SIPA1L1: variants seen among roughly 807,000 people sequenced by gnomAD.
SIPA1L1 encodes signal induced proliferation associated 1 like 1, also known as signal-induced proliferation-associated 1-like protein 1.
Under a neutral mutation model 162.7 loss-of-function variants are expected in SIPA1L1, and 26 were observed. The ratio of observed to expected loss-of-function variants is 0.16; its 90% confidence interval spans 0.12 to 0.22. The LOEUF (loss-of-function observed/expected upper bound fraction) is 0.22. Among genes scored for constraint, SIPA1L1 ranks in the 10% least tolerant of loss-of-function variants. SIPA1L1 has a pLI of 1.00. For synonymous variants in SIPA1L1, 829 were observed against 837.4 expected (o/e 0.99, Z 0.17); for missense variants, 1,874 against 2,241.0 (o/e 0.84, Z 3.31).
chr14:71,597,801 CT>C (rs971650090), intron 5 of SIPA1L1, among the ~76,000 whole-genome samples: 1 of 152,198 alleles, frequency 6.6e-6, no homozygotes, highest in Non-Finnish European at 1.5e-5. Flanking sequence ...CTCTGAACCC[CT>C]CTCCTGCAAG....
chr14:71,736,882 G>A (rs1027493508), intron 22 of SIPA1L1, among the ~76,000 whole-genome samples: 1 of 152,242 alleles, frequency 6.6e-6, no homozygotes, highest in Non-Finnish European at 1.5e-5. Context: ...ATGCTCCTGA[G>A]CGTTGCTGCA....
rs2085597560 is a variant in SIPA1L1 at position 71,739,227 on chromosome 14, TTCCCTCCATAGAAAG to T, written c.*67_*81del. The T allele has an allele frequency of 2.0e-6, 3 of 1,468,256 alleles. No individual in the cohort carries two copies. The African/African-American group carries it at 4.2e-5, about 21-fold the overall frequency. The allele number at this position is 1,468,256 out of a possible 1,614,324, so 91.0% of individuals were successfully genotyped here. A position where few individuals can be genotyped will look rare whatever the true frequency, so the allele number is the denominator to read the frequency against. On this transcript the variant is annotated 3_prime_UTR_variant, in exon 24 of 24. Transcript: ENST00000381232. ...TCCAGTGAGTGTCCTGCAGCCCTTA[TTCCCTCCATAGAAAG>T]CATCCTCAGAGCACCTTCCCTGGCT...
intron 2 of SIPA1L1, among the ~76,000 whole-genome samples, chr14:71,350,357 G>A (rs774216206): frequency 3.3e-5 from 5 of 151,990 alleles, no homozygotes; most frequent in African/African-American, 4.8e-5. Context: ...GTAGTGAGCC[G>A]AGATCGCACC....
chr14:71,665,789 A>G (rs1185721660), intron 10 of SIPA1L1, among the ~76,000 whole-genome samples: 1 of 152,164 alleles, frequency 6.6e-6, no homozygotes, highest in Non-Finnish European at 1.5e-5. Flanking sequence ...TATATATACT[A>G]TGTTTGTTCC....
At chr14:71,463,356 GACCCACTGT>G (rs1007729804) in intron 2 of SIPA1L1, among the ~76,000 whole-genome samples, 12 of 152,076 alleles carry the variant, frequency 7.9e-5, no homozygotes, top group African/African-American at 2.9e-4. Context: ...TGAGTCCGGG[GACCCACTGT>G]ACCCACTGTA....
chr14:71,401,645 C>A (rs2041680173), intron 2 of SIPA1L1, among the ~76,000 whole-genome samples: 2 of 151,726 alleles, frequency 1.3e-5, no homozygotes, highest in Admixed American at 1.3e-4. Context: ...TCCCATTTAA[C>A]CCAATATTTT....
chr14:71,704,118 A>G (rs1392267768), intron 15 of SIPA1L1, among the ~76,000 whole-genome samples: 1 of 152,224 alleles, frequency 6.6e-6, no homozygotes, highest in Admixed American at 6.5e-5. Context: ...AAATATTAAA[A>G]TAATTTTTAA....
intron 6 of SIPA1L1, 33 bp downstream of exon 6, chr14:71,618,920 A>AC (rs752404286): frequency 6.2e-7 from 1 of 1,605,256 alleles, no homozygotes; most frequent in Non-Finnish European, 8.5e-7. Flanking sequence ...TTGAGGTTTA[A>AC]CTGAAATGGG....
At chr14:71,424,294 A>G (rs980197034) in intron 2 of SIPA1L1, among the ~76,000 whole-genome samples, 6 of 152,100 alleles carry the variant, frequency 3.9e-5, no homozygotes, top group Non-Finnish European at 7.4e-5. Flanking sequence ...CTCTGGTGGA[A>G]CTTCCTGTAC....
chr14:71,656,815 G>A (rs912445508), intron 8 of SIPA1L1, among the ~76,000 whole-genome samples: 3 of 152,184 alleles, frequency 2.0e-5, no homozygotes, highest in South Asian at 2.1e-4. Context: ...TAACGGCAGC[G>A]GAGTTACTGC....
intron 2 of SIPA1L1, among the ~76,000 whole-genome samples, chr14:71,505,823 G>A (rs896896936): frequency 7.9e-5 from 12 of 151,976 alleles, no homozygotes; most frequent in African/African-American, 2.4e-4. Context: ...ACTTTGTTTT[G>A]TGCACAAAAT....
chr14:71,531,296 ACTT>A (rs2145360158), intron 4 of SIPA1L1, among the ~76,000 whole-genome samples: 1 of 147,358 alleles, frequency 6.8e-6, no homozygotes, highest in Admixed American at 6.7e-5. Flanking sequence ...TACAAAATTT[ACTT>A]CTTTTTTTTT....
At chr14:71,445,160 C>T (rs1241974006) in intron 2 of SIPA1L1, among the ~76,000 whole-genome samples, 2 of 152,090 alleles carry the variant, frequency 1.3e-5, no homozygotes, top group African/African-American at 2.4e-5. Context: ...CTTATCCTGG[C>T]GTAAGAAAAA....
intron 2 of SIPA1L1, among the ~76,000 whole-genome samples, chr14:71,345,548 G>T (rs2036069157): frequency 6.6e-6 from 1 of 150,908 alleles, no homozygotes; most frequent in Non-Finnish European, 1.5e-5. Flanking sequence ...CTATGTCTTT[G>T]CAACTTGATT....
intron 12 of SIPA1L1, among the ~76,000 whole-genome samples, chr14:71,684,972 T>A (rs2046160938): frequency 1.3e-5 from 2 of 152,164 alleles, no homozygotes; most frequent in Non-Finnish European, 2.9e-5. Context: ...AGTTGTGGTG[T>A]GCAGTGGTGG....
At chr14:71,346,991 G>A (rs1452421009) in intron 2 of SIPA1L1, among the ~76,000 whole-genome samples, 1 of 148,242 alleles carries the variant, frequency 6.7e-6, no homozygotes. Flanking sequence ...TTGCTCTGTT[G>A]CCCAGGCTGG....
At chr14:71,559,561 G>A (rs1015708952) in intron 4 of SIPA1L1, among the ~76,000 whole-genome samples, 31 of 152,158 alleles carry the variant, frequency 2.0e-4, no homozygotes, top group Non-Finnish European at 4.4e-4. Flanking sequence ...GTCTCATAGA[G>A]ATGTTATGTG....
intron 5 of SIPA1L1, among the ~76,000 whole-genome samples, chr14:71,596,853 T>C (rs149569367): frequency 1.4e-3 from 208 of 152,354 alleles, no homozygotes; most frequent in Non-Finnish European, 2.5e-3. Context: ...CTTTTTATTT[T>C]TGTTCTGTAC....
At chr14:71,505,969 C>G (rs59749781) in intron 2 of SIPA1L1, among the ~76,000 whole-genome samples, 17 of 147,938 alleles carry the variant, frequency 1.1e-4, no homozygotes, top group African/African-American at 3.0e-4. Context: ...TTCCCCCCCC[C>G]CAAAAAAAAA....
Sources: gnomAD v4.1 joint callset for allele counts (sites outside exome capture counted in the v4.1 genomes callset) on GRCh38, gnomAD v4.1.1 for gene constraint, MANE v1.5 for transcripts, NCBI Gene and HGNC (gene_info 2026-07-23, HGNC 2026-07-21) for gene names.